Variants in MEIS1 observed in about 807,000 individuals in gnomAD.
MEIS1 encodes the protein Meis homeobox 1.
In MEIS1, 5 loss-of-function variants were observed where a neutral mutation model predicts 50.8. The observed-to-expected ratio is 0.10, with a 90% confidence interval of 0.05 to 0.21. The LOEUF (loss-of-function observed/expected upper bound fraction) is 0.21, where lower values mean the gene tolerates loss of function less well. Ranked by LOEUF, MEIS1 falls within the 10% of genes least tolerant of loss-of-function variation. The pLI is 1.00. For missense variants in MEIS1, 318 were observed against 517.3 expected (o/e 0.61, Z 3.74); for synonymous variants, 176 against 179.3 (o/e 0.98, Z 0.15).
intron 6 of MEIS1, among the ~76,000 whole-genome samples, chr2:66,457,084 GA>G (rs11293349): frequency 0.063 from 8,654 of 136,438 alleles, 609 homozygotes; most frequent in African/African-American, 0.18. Flanking sequence ...CCTGTGTTAA[GA>G]AAAAAAAAAG....
intron 6 of MEIS1, among the ~76,000 whole-genome samples, chr2:66,459,159 A>G (rs1245891756): frequency 6.6e-6 from 1 of 152,158 alleles, no homozygotes; most frequent in East Asian, 1.9e-4. Flanking sequence ...GTAAGGTGGT[A>G]TCTGGGCTGT....
At chr2:66,550,464 CTGTTTTGTTT>C (rs56404928) in intron 9 of MEIS1, among the ~76,000 whole-genome samples, 111,054 of 147,830 alleles carry the variant, frequency 0.75, 42,549 homozygotes, top group South Asian at 0.85. Context: ...AAACCTCTTC[CTGTTTTGTTT>C]TGTTTTGTTT....
At chr2:66,519,401 C>T (rs542921535) in intron 8 of MEIS1, among the ~76,000 whole-genome samples, 1 of 151,944 alleles carries the variant, frequency 6.6e-6, no homozygotes, top group Non-Finnish European at 1.5e-5. Flanking sequence ...TATTGCTCAC[C>T]CTTCCTTGTG....
chr2:66,518,808 T>C (rs1329589496), intron 8 of MEIS1, among the ~76,000 whole-genome samples: 2 of 152,220 alleles, frequency 1.3e-5, no homozygotes, highest in Non-Finnish European at 2.9e-5. Flanking sequence ...CTAATGAAGA[T>C]ACCTTGTCTT....
intron 10 of MEIS1, chr2:66,567,823 T>C: frequency 1.8e-6 from 1 of 569,898 alleles, no homozygotes; most frequent in South Asian, 2.1e-5. Context: ...CCCAGCTCTT[T>C]CTGCTACTAT....
intron 9 of MEIS1, among the ~76,000 whole-genome samples, chr2:66,558,294 A>G (rs1017376082): frequency 6.7e-6 from 1 of 150,302 alleles, no homozygotes; most frequent in South Asian, 2.1e-4. Flanking sequence ...AAAAAAAAAA[A>G]AAAAAAAAAA....
intron 6 of MEIS1, among the ~76,000 whole-genome samples, chr2:66,463,044 T>G (rs1672555878): frequency 1.3e-5 from 2 of 152,006 alleles, no homozygotes; most frequent in African/African-American, 2.4e-5. Context: ...CTTCTTATCT[T>G]CTCCAGGGTA....
chr2:66,570,369 T>A (rs1259809910), intron 12 of MEIS1: 1 of 152,132 alleles, frequency 6.6e-6, no homozygotes, highest in Non-Finnish European at 1.5e-5. Flanking sequence ...AAAAAAATTA[T>A]CATCTTTTTT....
chr2:66,485,959 G>A (rs1241724440), intron 7 of MEIS1, among the ~76,000 whole-genome samples: 6 of 151,962 alleles, frequency 3.9e-5, no homozygotes, highest in African/African-American at 1.4e-4. Flanking sequence ...TTTTTTTCTT[G>A]TAAATTTGTT....
intron 7 of MEIS1, among the ~76,000 whole-genome samples, chr2:66,474,228 C>T (rs538136907): frequency 2.0e-4 from 30 of 152,202 alleles, no homozygotes; most frequent in Non-Finnish European, 3.7e-4. Context: ...GGGACATCAC[C>T]CTCTGCCCCG....
At chr2:66,522,077 G>A (rs997805760) in intron 8 of MEIS1, among the ~76,000 whole-genome samples, 1 of 152,160 alleles carries the variant, frequency 6.6e-6, no homozygotes, top group Non-Finnish European at 1.5e-5. Flanking sequence ...AAAGGAAAAC[G>A]CCTAATACTG....
chr2:66,564,898 A>G (rs919332611), intron 9 of MEIS1, among the ~76,000 whole-genome samples: 1 of 150,924 alleles, frequency 6.6e-6, no homozygotes, highest in African/African-American at 2.4e-5. Context: ...TGTTTTTGCC[A>G]CTGAAAGTAA....
At chr2:66,464,269 T>A in intron 7 of MEIS1, 49 bp downstream of exon 7, 1 of 1,452,610 alleles carries the variant, frequency 6.9e-7, no homozygotes, top group East Asian at 2.5e-5. Flanking sequence ...TTTTAAGGAT[T>A]GAAAAATCAG....
At chr2:66,449,677 T>C (rs1480412242) in intron 6 of MEIS1, among the ~76,000 whole-genome samples, 2 of 152,166 alleles carry the variant, frequency 1.3e-5, no homozygotes, top group Non-Finnish European at 2.9e-5. Flanking sequence ...AAAATATTTG[T>C]CACTAGAATC....
intron 6 of MEIS1, among the ~76,000 whole-genome samples, chr2:66,462,689 C>T (rs1340976690): frequency 6.6e-6 from 1 of 152,180 alleles, no homozygotes; most frequent in Non-Finnish European, 1.5e-5. Flanking sequence ...TTACAGCATT[C>T]TTCTGGTATG....
intron 8 of MEIS1, among the ~76,000 whole-genome samples, chr2:66,524,641 G>A (rs1400562555): frequency 6.6e-6 from 1 of 152,104 alleles, no homozygotes; most frequent in Non-Finnish European, 1.5e-5. Context: ...ACATTGCTAA[G>A]TTGGTATGAT....
chr2:66,543,921 A>T lies in MEIS1; in HGVS notation c.889-4022A>T, dbSNP rs148037596. Among the ~76,000 whole-genome samples the T allele has an allele frequency of 2.6e-5, 4 of 152,304 alleles. No homozygotes were observed. In the East Asian group the frequency reaches 7.7e-4, roughly 29 times the overall value. The stretch of plus-strand genomic sequence containing the variant: ...AAATTTGCTTTGATATCCCGAAGTG[A>T]TTAGGTTGATTGGTATATCTGGGAA... On this transcript the variant is annotated intron_variant, in intron 8 of 12. Transcript: ENST00000272369.
chr2:66,486,006 C>G (rs996232341), intron 7 of MEIS1, among the ~76,000 whole-genome samples: 3 of 152,184 alleles, frequency 2.0e-5, no homozygotes, highest in African/African-American at 7.2e-5. Context: ...AGCCCTTTGT[C>G]AGATGGATAG....
At chr2:66,510,810 A>G (rs930436121) in intron 7 of MEIS1, among the ~76,000 whole-genome samples, 1 of 152,244 alleles carries the variant, frequency 6.6e-6, no homozygotes, top group Non-Finnish European at 1.5e-5. Flanking sequence ...GATTAGACAG[A>G]AATAACTGAA....
Sources: allele counts gnomAD v4.1 joint callset (sites outside exome capture counted in the v4.1 genomes callset), GRCh38; gene constraint gnomAD v4.1.1; transcripts MANE v1.5; gene names NCBI Gene and HGNC (gene_info 2026-07-23, HGNC 2026-07-21).